The following NEK1 variants were observed in gnomAD, a reference collection of about 807,000 sequenced individuals.
The protein encoded by NEK1 is NIMA related kinase 1.
Under a neutral mutation model 182.1 loss-of-function variants are expected in NEK1, and 137 were observed. The ratio of observed to expected loss-of-function variants is 0.75; its 90% confidence interval spans 0.65 to 0.87. The LOEUF (loss-of-function observed/expected upper bound fraction) is 0.87, where lower values mean the gene tolerates loss of function less well. Ranked by LOEUF, NEK1 falls within the 40% of genes least tolerant of loss-of-function variation. The pLI is 0.00. For synonymous variants in NEK1, 513 were observed against 492.2 expected, an observed-to-expected ratio of 1.04 and a Z score of -0.56; for missense variants, 1,391 against 1,494.4, an observed-to-expected ratio of 0.93 and a Z score of 1.14.
chr4:169,593,481 A>G (rs1005536757), intron 5 of NEK1, among the ~76,000 whole-genome samples: 12 of 152,220 alleles, frequency 7.9e-5, no homozygotes, highest in Non-Finnish European at 1.8e-4. Flanking sequence ...AGGAGCGGCA[A>G]CACAGTCTGG....
At chr4:169,494,453 T>G (rs1355077837) in intron 23 of NEK1, among the ~76,000 whole-genome samples, 1 of 152,248 alleles carries the variant, frequency 6.6e-6, no homozygotes, top group Admixed American at 6.5e-5. Flanking sequence ...CTGCATAGTA[T>G]TCCATGGTGT....
chr4:169,462,668 C>T (rs1213491828), intron 27 of NEK1, among the ~76,000 whole-genome samples: 6 of 152,000 alleles, frequency 3.9e-5, no homozygotes, highest in African/African-American at 4.8e-5. Flanking sequence ...ACACTCCTGC[C>T]TAGACACAAC....
At chr4:169,399,707 A>T (rs1430575382) in intron 35 of NEK1, among the ~76,000 whole-genome samples, 1 of 152,178 alleles carries the variant, frequency 6.6e-6, no homozygotes, top group East Asian at 1.9e-4. Flanking sequence ...TGCAGCTTCA[A>T]ACTCCTGGGC....
In NEK1 at chr4:169,411,986, C is replaced by T. The variant is rs551555654; in HGVS notation, c.3223-5239G>A. ...CATGTACACAAACTTTCTTCACTAG[C>T]CTTGCTTCAATTTTTCCAATTATTT... On this transcript the variant is annotated intron_variant, in intron 31 of 35. Transcript: ENST00000507142. 5.3e-5 allele frequency among the ~76,000 whole-genome samples: 8 copies of T among 152,216 alleles called. No individual in the cohort carries two copies. The East Asian group carries it at 1.5e-3, about 29-fold the overall frequency.
At chr4:169,515,466 T>C (rs1159412262) in intron 19 of NEK1, among the ~76,000 whole-genome samples, 1 of 152,028 alleles carries the variant, frequency 6.6e-6, no homozygotes, top group East Asian at 1.9e-4. Flanking sequence ...AGTATGGTTA[T>C]TTGGTGTATA....
chr4:169,491,095 A>G (rs1749978015), intron 23 of NEK1, among the ~76,000 whole-genome samples: 1 of 144,180 alleles, frequency 6.9e-6, no homozygotes. Context: ...GTGAGCCAAG[A>G]TTACGTCACT....
At chr4:169,459,963 C>A (rs1395816859) in intron 27 of NEK1, among the ~76,000 whole-genome samples, 1 of 152,168 alleles carries the variant, frequency 6.6e-6, no homozygotes, top group African/African-American at 2.4e-5. Context: ...TAGCATTATA[C>A]ATTTGTCAAA....
Position 169,393,102 on chromosome 4 carries a change from C to CA in NEK1, c.*1407dup, listed in dbSNP as rs1176022285. ...TTTAAGAATTAATACACAACCTCCC[C>CA]AAAATCATGCCCATCTTTCAGGATT... is the stretch of plus-strand genomic sequence containing the variant. On this transcript the variant is annotated 3_prime_UTR_variant, in exon 36 of 36. Transcript: ENST00000507142. The CA allele has an allele frequency of 6.6e-6, 1 of 152,150 alleles. No individual in the cohort carries two copies. Among genetic ancestry groups the CA allele is most frequent in the African/African-American group, 2.4e-5 (1 of 41,432 alleles). 9.4% of individuals were successfully genotyped at this position (152,150 alleles called of 1,614,324 possible).
intron 5 of NEK1, among the ~76,000 whole-genome samples, chr4:169,595,922 C>CAAAAAA (rs56313001): frequency 3.0e-5 from 2 of 67,194 alleles, no homozygotes; most frequent in Non-Finnish European, 5.4e-5. Context: ...GACTCCACCT[C>CAAAAAA]AAAAAAAAAA....
At chr4:169,481,551 G>A (rs1260757133) in intron 23 of NEK1, among the ~76,000 whole-genome samples, 2 of 152,142 alleles carry the variant, frequency 1.3e-5, no homozygotes, top group Non-Finnish European at 2.9e-5. Flanking sequence ...CAGAGCTCTT[G>A]GGTAACTAGG....
intron 23 of NEK1, among the ~76,000 whole-genome samples, chr4:169,494,379 A>G (rs1295978894): frequency 6.6e-6 from 1 of 152,146 alleles, no homozygotes; most frequent in Non-Finnish European, 1.5e-5. Context: ...TAGTTTGCTG[A>G]GAATGATGGT....
intron 2 of NEK1, among the ~76,000 whole-genome samples, chr4:169,604,633 A>G (rs969687599): frequency 2.6e-5 from 4 of 152,228 alleles, no homozygotes; most frequent in Non-Finnish European, 5.9e-5. Context: ...CTCATCCATC[A>G]GTGCCAAATT....
intron 23 of NEK1, among the ~76,000 whole-genome samples, chr4:169,497,980 GAT>G (rs1401570095): frequency 6.6e-6 from 1 of 152,150 alleles, no homozygotes; most frequent in African/African-American, 2.4e-5. Context: ...CTGTCTTGTT[GAT>G]CTGTCTAACG....
At chr4:169,570,090 C>G (rs1469599119) in intron 12 of NEK1, among the ~76,000 whole-genome samples, 1 of 151,236 alleles carries the variant, frequency 6.6e-6, no homozygotes. Flanking sequence ...AAGTGAGGAG[C>G]GTCTCTGCCT....
chr4:169,521,722 TTTC>T (rs1484010212), intron 19 of NEK1, among the ~76,000 whole-genome samples: 1 of 152,346 alleles, frequency 6.6e-6, no homozygotes, highest in East Asian at 1.9e-4. Flanking sequence ...GATAGTACTT[TTTC>T]TTCTTTCAGC....
intron 23 of NEK1, among the ~76,000 whole-genome samples, chr4:169,479,772 G>A (rs908784787): frequency 6.6e-5 from 10 of 151,952 alleles, no homozygotes; most frequent in Admixed American, 3.3e-4. Context: ...TAAATAACCC[G>A]CTTTCATTGC....
intron 26 of NEK1, among the ~76,000 whole-genome samples, chr4:169,476,702 T>C (rs1747010822): frequency 6.6e-6 from 1 of 152,104 alleles, no homozygotes; most frequent in Non-Finnish European, 1.5e-5. Flanking sequence ...TCAGTAATTA[T>C]CACCGAATAT....
At chr4:169,608,019 C>T (rs567053731) in intron 2 of NEK1, among the ~76,000 whole-genome samples, 33 of 151,800 alleles carry the variant, frequency 2.2e-4, no homozygotes, top group South Asian at 1.0e-3. Context: ...ATTTTCATTC[C>T]TAATCTCTAC....
intron 26 of NEK1, among the ~76,000 whole-genome samples, chr4:169,471,392 G>T (rs1420233831): frequency 3.3e-5 from 5 of 152,152 alleles, no homozygotes; most frequent in African/African-American, 4.8e-5. Flanking sequence ...TCTTCTGCAG[G>T]TCTGCTGGAA....
Sources: allele counts gnomAD v4.1 joint callset (sites outside exome capture counted in the v4.1 genomes callset), GRCh38; gene constraint gnomAD v4.1.1; transcripts MANE v1.5; gene names NCBI Gene and HGNC (gene_info 2026-07-23, HGNC 2026-07-21).